PARD3: variants seen among roughly 807,000 people sequenced by gnomAD.
PARD3 encodes the protein par-3 family cell polarity regulator, also known as partitioning defective 3 homolog.
In PARD3, 75 loss-of-function variants were observed where a neutral mutation model predicts 155.4. The observed-to-expected ratio is 0.48, with a 90% CI of 0.40 to 0.58. PARD3 has a LOEUF of 0.58. PARD3 is among the 20% of genes least tolerant of loss of function. The probability of loss-of-function intolerance (pLI) is 0.00; values close to 1 mark genes in which losing one functional copy is unlikely to be tolerated. For missense variants in PARD3, 1,642 were observed against 1,721.7 expected (o/e 0.95, Z 0.82); for synonymous variants, 576 against 610.5 (o/e 0.94, Z 0.83).
chr10:34,718,258 T>G (rs995951126), intron 1 of PARD3, among the ~76,000 whole-genome samples: 1 of 151,400 alleles, frequency 6.6e-6, no homozygotes, highest in Non-Finnish European at 1.5e-5. Context: ...AAGCAGTACA[T>G]GAATTGAGAA....
intron 20 of PARD3, among the ~76,000 whole-genome samples, chr10:34,307,167 G>A (rs180826702): frequency 6.6e-6 from 1 of 152,290 alleles, no homozygotes; most frequent in Non-Finnish European, 1.5e-5. Flanking sequence ...TGGGATTACA[G>A]GCGTGAGCCA....
intron 1 of PARD3, among the ~76,000 whole-genome samples, chr10:34,799,337 C>T (rs557632296): frequency 5.9e-5 from 9 of 152,268 alleles, no homozygotes; most frequent in Admixed American, 5.9e-4. Context: ...CCACCATGCC[C>T]AGCCTCAATA....
Position 34,170,486 on chromosome 10 carries a change from T to G in PARD3, c.3420-38903A>C, listed in dbSNP as rs114345953. 5.0e-3 allele frequency among the ~76,000 whole-genome samples: 757 copies of G among 152,280 alleles called. 6 individuals carry two copies. The highest frequency in any genetic ancestry group is 0.017 in the African/African-American group (723 of 41,548). On this transcript the variant is annotated intron_variant, in intron 22 of 24. Transcript: ENST00000374788. ...ACACAGAGATGCACAAGACAGAGAC[T>G]ACCCTGGGGAAGACTGGCATGTAAA...
At chr10:34,774,041 C>G (rs192388973) in intron 1 of PARD3, among the ~76,000 whole-genome samples, 26 of 152,322 alleles carry the variant, frequency 1.7e-4, no homozygotes, top group Non-Finnish European at 2.2e-4. Flanking sequence ...ACATTTCTCA[C>G]CCACTACTGC....
At chr10:34,769,802 AAC>A (rs1352145961) in intron 1 of PARD3, among the ~76,000 whole-genome samples, 3,868 of 72,880 alleles carry the variant, frequency 0.053, 185 homozygotes, top group African/African-American at 0.16. Flanking sequence ...AAAAAAACAA[AAC>A]AAAAAAAAAA....
chr10:34,600,272 G>C (rs2089650547), intron 2 of PARD3, among the ~76,000 whole-genome samples: 2 of 152,126 alleles, frequency 1.3e-5, no homozygotes, highest in Non-Finnish European at 2.9e-5. Context: ...CTGAGTCTGG[G>C]AGATGGTGGT....
At chr10:34,311,009 T>C (rs1335415481) in intron 20 of PARD3, among the ~76,000 whole-genome samples, 2 of 152,226 alleles carry the variant, frequency 1.3e-5, no homozygotes, top group African/African-American at 2.4e-5. Flanking sequence ...AGGATGCCAC[T>C]TGATGTACCA....
At chr10:34,420,887 C>A (rs538653247) in intron 5 of PARD3, among the ~76,000 whole-genome samples, 1 of 152,254 alleles carries the variant, frequency 6.6e-6, no homozygotes, top group South Asian at 2.1e-4. Context: ...TTTTAAACTG[C>A]AAAACAGGCC....
chr10:34,449,463 A>AG (rs566105988), intron 5 of PARD3, among the ~76,000 whole-genome samples: 1 of 96,202 alleles, frequency 1.0e-5, no homozygotes, highest in Non-Finnish European at 2.2e-5. Context: ...AGGTGGGGGG[A>AG]GGGGGGAGGG....
intron 2 of PARD3, among the ~76,000 whole-genome samples, chr10:34,562,464 G>A (rs2134073246): frequency 6.6e-6 from 1 of 151,822 alleles, no homozygotes; most frequent in South Asian, 2.1e-4. Flanking sequence ...CAAAAAAACT[G>A]TCAGCTCCCA....
At chr10:34,560,748 A>G (rs1158864480) in intron 2 of PARD3, among the ~76,000 whole-genome samples, 2 of 152,222 alleles carry the variant, frequency 1.3e-5, no homozygotes, top group Non-Finnish European at 2.9e-5. Flanking sequence ...TGGCGTGTCC[A>G]CTGCGTTCAT....
At chr10:34,415,430 C>T (rs929676617) in intron 5 of PARD3, among the ~76,000 whole-genome samples, 6 of 152,172 alleles carry the variant, frequency 3.9e-5, no homozygotes, top group African/African-American at 1.4e-4. Flanking sequence ...AGTATCAACA[C>T]TCTGAATGAT....
chr10:34,532,758 G>A (rs1482216520), intron 2 of PARD3, among the ~76,000 whole-genome samples: 2 of 152,178 alleles, frequency 1.3e-5, no homozygotes, highest in Non-Finnish European at 2.9e-5. Context: ...TATTAGCAGA[G>A]TGTGAATTTC....
chr10:34,265,154 T>C (rs1445304476), intron 22 of PARD3, among the ~76,000 whole-genome samples: 1 of 152,216 alleles, frequency 6.6e-6, no homozygotes, highest in Non-Finnish European at 1.5e-5. Context: ...ATCAAAATGT[T>C]ACCCACGACA....
chr10:34,407,252 G>T (rs1288671865), intron 5 of PARD3, among the ~76,000 whole-genome samples: 2 of 152,138 alleles, frequency 1.3e-5, no homozygotes, highest in Non-Finnish European at 2.9e-5. Flanking sequence ...GACTGTCAAG[G>T]CCCCCACAGA....
At chr10:34,261,765 G>GGAAGAAAGAAAGAAAAGA (rs1954995127) in intron 22 of PARD3, among the ~76,000 whole-genome samples, 2 of 130,528 alleles carry the variant, frequency 1.5e-5, no homozygotes, top group Admixed American at 7.8e-5. Context: ...AGAAAGGAAG[G>GGAAGAAAGAAAGAAAAGA]AAGGAAGAAA....
chr10:34,640,274 G>A (rs1414486260), intron 2 of PARD3, among the ~76,000 whole-genome samples: 1 of 152,162 alleles, frequency 6.6e-6, no homozygotes, highest in Non-Finnish European at 1.5e-5. Context: ...TTCTTTAAAA[G>A]ATTCTAATAC....
At chr10:34,116,441 CAT>C (rs1392908278) in intron 24 of PARD3, among the ~76,000 whole-genome samples, 4 of 152,222 alleles carry the variant, frequency 2.6e-5, no homozygotes, top group Non-Finnish European at 5.9e-5. Flanking sequence ...AAGAATATCA[CAT>C]GTCAGAAACT....
chr10:34,749,572 C>T (rs1835731929), intron 1 of PARD3, among the ~76,000 whole-genome samples: 1 of 151,768 alleles, frequency 6.6e-6, no homozygotes, highest in South Asian at 2.1e-4. Flanking sequence ...CTAGGAAATA[C>T]TTAGCAAACA....
Sources: allele counts gnomAD v4.1 joint callset (sites outside exome capture counted in the v4.1 genomes callset), GRCh38; gene constraint gnomAD v4.1.1; transcripts MANE v1.5; gene names NCBI Gene and HGNC (gene_info 2026-07-23, HGNC 2026-07-21).